Variants in SV2C observed in about 807,000 individuals in gnomAD.
The protein encoded by SV2C is solute carrier family 22 member B3.
In SV2C, 49 loss-of-function variants were observed where a neutral mutation model predicts 79.7. The observed-to-expected ratio is 0.61, with a 90% confidence interval of 0.49 to 0.78. The LOEUF (loss-of-function observed/expected upper bound fraction) is 0.78. SV2C is among the 30% of genes least tolerant of loss of function. The pLI is 0.00. For synonymous variants in SV2C, 334 were observed against 333.2 expected (o/e 1.00, Z -0.03); for missense variants, 833 against 912.9 (o/e 0.91, Z 1.13).
intron 1 of SV2C, among the ~76,000 whole-genome samples, chr5:76,110,199 G>T (rs1748053452): frequency 6.6e-6 from 1 of 152,148 alleles, no homozygotes; most frequent in South Asian, 2.1e-4. Flanking sequence ...AAGCTATGGG[G>T]TTATGTCAAA....
intron 2 of SV2C, among the ~76,000 whole-genome samples, chr5:76,141,917 C>G (rs960316744): frequency 1.3e-5 from 2 of 149,226 alleles, no homozygotes; most frequent in African/African-American, 2.5e-5. Flanking sequence ...ACAATTGGAT[C>G]AAGCCAAATA....
At chr5:76,228,865 A>G (rs1216361046) in intron 4 of SV2C, among the ~76,000 whole-genome samples, 3 of 152,188 alleles carry the variant, frequency 2.0e-5, no homozygotes, top group African/African-American at 7.2e-5. Flanking sequence ...TCACCCAGCT[A>G]GTAAGGTGGA....
At chr5:75,905,165 T>G in the SV2C span, among the ~76,000 whole-genome samples, 1 of 152,336 alleles carries the variant, frequency 6.6e-6, no homozygotes, top group East Asian at 1.9e-4. Context: ...TCCAAGATTC[T>G]CTAGTGATGC....
chr5:75,966,746 A>G, the SV2C span, among the ~76,000 whole-genome samples: 5 of 152,048 alleles, frequency 3.3e-5, no homozygotes, highest in Non-Finnish European at 7.4e-5. Context: ...ACTTCAATAA[A>G]CCTGCTTTCT....
the SV2C span, among the ~76,000 whole-genome samples, chr5:76,067,168 G>A: frequency 7.1e-6 from 1 of 141,706 alleles, no homozygotes; most frequent in African/African-American, 3.2e-5. Context: ...TAGTAAAATT[G>A]AGTATTTCTT....
the SV2C span, among the ~76,000 whole-genome samples, chr5:75,892,272 G>A: frequency 6.6e-6 from 1 of 151,690 alleles, no homozygotes; most frequent in East Asian, 1.9e-4. Flanking sequence ...TTTAATTTGT[G>A]CAAATTTATG....
chr5:76,110,931 G>A (rs1211778363), intron 1 of SV2C, among the ~76,000 whole-genome samples: 2 of 152,286 alleles, frequency 1.3e-5, no homozygotes, highest in Non-Finnish European at 1.5e-5. Context: ...GCTAGAACCG[G>A]CTCTGTGTGA....
intron 2 of SV2C, among the ~76,000 whole-genome samples, chr5:76,179,416 A>G (rs1392888026): frequency 6.6e-6 from 1 of 152,196 alleles, no homozygotes; most frequent in Non-Finnish European, 1.5e-5. Flanking sequence ...ATAATAATTG[A>G]TTAAAATTCC....
the SV2C span, among the ~76,000 whole-genome samples, chr5:75,886,533 A>G: frequency 6.6e-6 from 1 of 152,082 alleles, no homozygotes. Flanking sequence ...TCAGCCTTCC[A>G]TGTGGACTCC....
At chr5:76,323,855 G>A (rs2112563977) in intron 12 of SV2C, among the ~76,000 whole-genome samples, 1 of 152,272 alleles carries the variant, frequency 6.6e-6, no homozygotes, top group South Asian at 2.1e-4. Context: ...CATGGACATA[G>A]GGAGGGGAAC....
the SV2C span, among the ~76,000 whole-genome samples, chr5:75,994,731 G>A: frequency 8.5e-5 from 13 of 152,120 alleles, no homozygotes; most frequent in African/African-American, 2.7e-4. Context: ...AGTAGGAAAC[G>A]TACAGCTATG....
intron 4 of SV2C, among the ~76,000 whole-genome samples, chr5:76,213,104 C>T (rs1300657911): frequency 2.0e-5 from 3 of 152,064 alleles, no homozygotes; most frequent in South Asian, 2.1e-4. Context: ...GACCAGGTTA[C>T]GAAATGAGTA....
the SV2C span, among the ~76,000 whole-genome samples, chr5:75,853,277 C>T: frequency 6.6e-6 from 1 of 152,074 alleles, no homozygotes; most frequent in East Asian, 1.9e-4. Context: ...TAAAAATTGG[C>T]CGGGCGCGGT....
At chr5:76,304,437 C>T (rs1748118897) in intron 12 of SV2C, among the ~76,000 whole-genome samples, 1 of 152,198 alleles carries the variant, frequency 6.6e-6, no homozygotes, top group Non-Finnish European at 1.5e-5. Context: ...AGTTGAGACA[C>T]TCTATAGCTT....
At chr5:76,018,356 A>G in the SV2C span, among the ~76,000 whole-genome samples, 3 of 152,196 alleles carry the variant, frequency 2.0e-5, no homozygotes, top group East Asian at 1.9e-4. Context: ...AATTTATCAT[A>G]TAATCATAAT....
chr5:75,896,460 T>C, the SV2C span, among the ~76,000 whole-genome samples: 5 of 134,782 alleles, frequency 3.7e-5, no homozygotes, highest in Non-Finnish European at 5.9e-5. Context: ...ATCCAGTCTA[T>C]CATTGTTGGA....
intron 12 of SV2C, among the ~76,000 whole-genome samples, chr5:76,341,607 C>T (rs1329091435): frequency 6.6e-6 from 1 of 152,194 alleles, no homozygotes; most frequent in African/African-American, 2.4e-5. Context: ...TTTTTCCAAG[C>T]ATTCATTTCT....
chr5:76,279,133 A>C (rs1263342983), intron 4 of SV2C, among the ~76,000 whole-genome samples: 1 of 152,146 alleles, frequency 6.6e-6, no homozygotes, highest in Non-Finnish European at 1.5e-5. Flanking sequence ...GAAATAGGGA[A>C]GGGTAAGAGA....
chr5:76,156,015 A>G (rs1252154308), intron 2 of SV2C, among the ~76,000 whole-genome samples: 1 of 150,266 alleles, frequency 6.7e-6, no homozygotes, highest in East Asian at 2.0e-4. Flanking sequence ...TGGTAGATTC[A>G]TTGGAGATAT....
Sources: allele counts gnomAD v4.1 joint callset (sites outside exome capture counted in the v4.1 genomes callset), GRCh38; gene constraint gnomAD v4.1.1; transcripts MANE v1.5; gene names NCBI Gene and HGNC (gene_info 2026-07-23, HGNC 2026-07-21).